AHI1: variants seen among roughly 807,000 people sequenced by gnomAD.
AHI1 encodes jouberin.
In AHI1, 123 loss-of-function variants were observed where a neutral mutation model predicts 149.3. The ratio of observed to expected loss-of-function variants is 0.82; its 90% CI spans 0.71 to 0.96. The LOEUF (loss-of-function observed/expected upper bound fraction) is 0.96, where lower values mean the gene tolerates loss of function less well. AHI1 is among the 40% of genes least tolerant of loss of function. The probability of loss-of-function intolerance (pLI) is 0.00; values close to 1 mark genes in which losing one functional copy is unlikely to be tolerated. For synonymous variants in AHI1, 475 were observed against 459.8 expected (o/e 1.03, Z -0.42); for missense variants, 1,439 against 1,422.7 (o/e 1.01, Z -0.18).
At chr6:135,345,952 G>C (rs546096394) in intron 24 of AHI1, among the ~76,000 whole-genome samples, 18 of 152,308 alleles carry the variant, frequency 1.2e-4, no homozygotes, top group African/African-American at 4.3e-4. Flanking sequence ...TGTCAGAGAA[G>C]ACAACCTTGA....
intron 23 of AHI1, among the ~76,000 whole-genome samples, chr6:135,366,056 A>G (rs1230310951): frequency 6.6e-6 from 1 of 152,182 alleles, no homozygotes; most frequent in Non-Finnish European, 1.5e-5. Flanking sequence ...TTCTCTTGAG[A>G]TGACCACATG....
At position 135,382,894 on chromosome 6, in the gene AHI1, T is replaced by TAA. The variant is rs573438726; in HGVS notation, c.3109+11880_3109+11881dup. Among the ~76,000 whole-genome samples, 37 of 15,588 alleles carry TAA rather than the reference T, an allele frequency of 2.4e-3. 4 individuals are homozygous for TAA. Among genetic ancestry groups the TAA allele is most frequent in the South Asian group, 0.015 (3 of 198 alleles). The allele number at this position is 15,588 out of a possible 152,430, so 10.2% of individuals were successfully genotyped here. Reference sequence around the variant, plus strand: ...CGGTGCCCATCCTAAGCAAAATTAGTAAAAAAAAAAAAAAAAAAAAAAAAA... The same window carrying TAA: ...CGGTGCCCATCCTAAGCAAAATTAGTAAAAAAAAAAAAAAAAAAAAAAAAAAA... On this transcript the variant is annotated intron_variant, in intron 23 of 28. Transcript: ENST00000265602.
In AHI1 at chr6:135,404,948, T is replaced by G; in HGVS notation, c.2988+3A>C. 1 of 1,608,116 alleles carries G rather than the reference T, an allele frequency of 6.2e-7. No individual in the cohort carries two copies. Among genetic ancestry groups the G allele is most frequent in the Non-Finnish European group, 8.5e-7 (1 of 1,175,092 alleles). ...TATCTTCCTGGTAATAAAAACTACT[T>G]ACTTTTGCAGCACAGGAACGTATCA... On this transcript the variant is annotated splice_donor_region_variant and intron_variant, in intron 22 of 28. Coordinates refer to ENST00000265602, the MANE Select transcript of AHI1 (RefSeq NM_001134831.2).
chr6:135,302,051 G>A (rs1783941786), intron 26 of AHI1: 1 of 966,628 alleles, frequency 1.0e-6, no homozygotes, highest in African/African-American at 1.8e-5. Flanking sequence ...GAGTACAGTG[G>A]CATGATCGTA....
rs138348939 is a variant in AHI1 at position 135,365,171 on chromosome 6, T to C, written c.3110-6984A>G. Among the ~76,000 whole-genome samples the C allele has an allele frequency of 2.6e-3, 394 of 152,278 alleles. 5 individuals are homozygous for C. Among genetic ancestry groups the C allele is most frequent in the African/African-American group, 8.6e-3 (356 of 41,548 alleles). On this transcript the variant is annotated intron_variant, in intron 23 of 28. Coordinates refer to ENST00000265602, the MANE Select transcript of AHI1 (RefSeq NM_001134831.2). ...TTTCTGGGTTCTCTATTCTGTTTCA[T>C]TGGTCTAAGATCAGTACTATGCTCT... is the stretch of plus-strand genomic sequence containing the variant.
At chr6:135,323,472 G>T (rs886614137) in intron 24 of AHI1, 148 bp from the exon 25 acceptor site, 4 of 689,994 alleles carry the variant, frequency 5.8e-6, no homozygotes, top group Non-Finnish European at 9.1e-6. Flanking sequence ...CTAATGGGAT[G>T]AGGGGTGGTG....
chr6:135,383,817 T>C (rs1777209998), intron 23 of AHI1, among the ~76,000 whole-genome samples: 1 of 152,232 alleles, frequency 6.6e-6, no homozygotes, highest in African/African-American at 2.4e-5. Flanking sequence ...AATGTAGTCA[T>C]ATCGTCAAAC....
chr6:135,311,440 A>C (rs537976030), intron 26 of AHI1, among the ~76,000 whole-genome samples: 17 of 152,296 alleles, frequency 1.1e-4, no homozygotes, highest in African/African-American at 4.1e-4. Flanking sequence ...TTTTGTAAGC[A>C]TATGTAAGAA....
Position 135,299,514 on chromosome 6 carries a change from C to G in AHI1, c.3485+986G>C, listed in dbSNP as rs145909338. On this transcript the variant is annotated intron_variant, in intron 27 of 28. Transcript: ENST00000265602. Reference sequence around the variant, plus strand: ...GGGAGGGTATGATAGCTAAGCTGTTCAATGCTGTCACACTTCCGTTATATT... The same window carrying G: ...GGGAGGGTATGATAGCTAAGCTGTTGAATGCTGTCACACTTCCGTTATATT... Among the ~76,000 whole-genome samples the G allele has an allele frequency of 2.2e-3, 339 of 152,112 alleles. 2 individuals are homozygous for G. Among genetic ancestry groups the G allele is most frequent in the African/African-American group, 7.4e-3 (307 of 41,480 alleles).
intron 23 of AHI1, among the ~76,000 whole-genome samples, chr6:135,367,717 T>C (rs555290534): frequency 3.3e-5 from 5 of 152,294 alleles, no homozygotes; most frequent in African/African-American, 9.6e-5. Flanking sequence ...ATTGTTTTTT[T>C]TCATGCTGCT....
Position 135,394,783 on chromosome 6 carries a change from A to T in AHI1, c.3102T>A (p.Thr1034=). ...AGTAAGAAAGGGGCTCACCGGTCTG[A>T]GTGAAACCAAACTGATGTAGAATCT... ...AQEILHQFGF[T]QTGIISIERK... The change falls in exon 23 of 29, where the codon ACT becomes ACA. Residue 1034 remains threonine (T), a synonymous_variant. Transcript: ENST00000265602. The T allele has an allele frequency of 6.2e-7, 1 of 1,610,360 alleles. No homozygotes were observed. Among genetic ancestry groups the T allele is most frequent in the Non-Finnish European group, 8.5e-7 (1 of 1,177,966 alleles).
At chr6:135,327,678 C>G (rs922639550) in intron 24 of AHI1, among the ~76,000 whole-genome samples, 1 of 152,128 alleles carries the variant, frequency 6.6e-6, no homozygotes, top group Non-Finnish European at 1.5e-5. Flanking sequence ...AGGTAGGGCT[C>G]TAATCACCAC....
At chr6:135,347,053 T>C (rs1488659565) in intron 24 of AHI1, among the ~76,000 whole-genome samples, 2 of 152,238 alleles carry the variant, frequency 1.3e-5, no homozygotes, top group African/African-American at 4.8e-5. Flanking sequence ...TGTTTGAAAC[T>C]TCTTTGTGGG....
chr6:135,287,778 T>C (rs1207736001), intron 28 of AHI1, among the ~76,000 whole-genome samples: 1 of 150,770 alleles, frequency 6.6e-6, no homozygotes, highest in African/African-American at 2.5e-5. Context: ...GTGTATGTTA[T>C]GTCTGGGGAA....
chr6:135,285,699 T>G (rs1038679542), intron 28 of AHI1, 52 bp from the exon 29 acceptor site: 2 of 1,488,644 alleles, frequency 1.3e-6, no homozygotes, highest in African/African-American at 2.8e-5. Flanking sequence ...TAATGTCTTC[T>G]GACTACAACC....
At chr6:135,478,511 A>C (rs1260681134) in intron 5 of AHI1, among the ~76,000 whole-genome samples, 3 of 152,202 alleles carry the variant, frequency 2.0e-5, no homozygotes, top group Non-Finnish European at 4.4e-5. Context: ...TCTAAGCAGC[A>C]AAGTGTTCAG....
rs1352460063 is a variant in AHI1 at position 135,447,136 on chromosome 6, T to C, written c.1651A>G (p.Met551Val). The change falls in exon 13 of 29, where the codon ATG (methionine) becomes GTG (valine). Residue 551 changes from methionine (M) to valine (V), a missense_variant. Transcript: ENST00000265602. ...TTACCTTTTTCCTCCTGAAGAGCCA[T>C]CATAGAGCGGTAAGATGGCTTTATC... ...DCIKPSYRSM[M>V]ALQEEKGKPV... The C allele has an allele frequency of 1.3e-6, 2 of 1,591,058 alleles. No individual in the cohort carries two copies. The highest frequency in any genetic ancestry group is 2.3e-5 in the East Asian group (1 of 44,088).
intron 23 of AHI1, among the ~76,000 whole-genome samples, chr6:135,361,116 T>A (rs971043403): frequency 3.3e-5 from 5 of 152,218 alleles, no homozygotes; most frequent in African/African-American, 1.2e-4. Context: ...CTCTTCATAT[T>A]TTTTAATGGC....
intron 5 of AHI1, among the ~76,000 whole-genome samples, chr6:135,480,225 G>A (rs1793402806): frequency 6.6e-6 from 1 of 152,156 alleles, no homozygotes; most frequent in African/African-American, 2.4e-5. Context: ...GGGAACACAA[G>A]GCAGGAGGAT....
Sources: gnomAD v4.1 joint callset for allele counts (sites outside exome capture counted in the v4.1 genomes callset) on GRCh38, gnomAD v4.1.1 for gene constraint, MANE v1.5 for transcripts, NCBI Gene and HGNC (gene_info 2026-07-23, HGNC 2026-07-21) for gene names.